Variants in SI observed in about 807,000 individuals in gnomAD.
SI encodes the protein sucrase-isomaltase, intestinal.
In SI, 235 loss-of-function variants were observed where a neutral mutation model predicts 253.3. The observed-to-expected ratio is 0.93, with a 90% confidence interval of 0.83 to 1.03. The LOEUF is 1.03. SI is among the 50% of genes least tolerant of loss of function. SI has a pLI of 0.00. For synonymous variants in SI, 819 were observed against 712.0 expected (o/e 1.15, Z -2.39); for missense variants, 2,442 against 2,211.1 (o/e 1.10, Z -2.09).
At chr3:165,060,072 T>C in intron 9 of SI, 45 bp from the exon 10 acceptor site, 4 of 1,545,794 alleles carry the variant, frequency 2.6e-6, no homozygotes, top group Non-Finnish European at 3.6e-6. Context: ...GAAATAAATA[T>C]ATTTAGCATT....
chr3:165,032,075 T>C (rs967568835), intron 24 of SI, among the ~76,000 whole-genome samples: 2 of 151,294 alleles, frequency 1.3e-5, no homozygotes, highest in East Asian at 1.9e-4. Flanking sequence ...GTACAAGATA[T>C]ATTTTGAGGA....
intron 37 of SI, among the ~76,000 whole-genome samples, chr3:165,003,807 A>G (rs1489810720): frequency 3.9e-5 from 6 of 152,078 alleles, no homozygotes; most frequent in African/African-American, 1.4e-4. Context: ...GAAAAAGCAT[A>G]CAACAGATAT....
chr3:165,076,059 A>G (rs1388334508), intron 1 of SI, 47 bp from the exon 2 acceptor site: 7 of 1,251,096 alleles, frequency 5.6e-6, no homozygotes, highest in African/African-American at 4.5e-5. Context: ...ATATATAACT[A>G]TAATAAACCA....
chr3:165,032,735 T>C lies in SI; in HGVS notation c.2566-43A>G, dbSNP rs369318018. 40 of 1,337,080 alleles carry C rather than the reference T, an allele frequency of 3.0e-5. No homozygotes were observed. The African/African-American group carries it at 5.1e-4, about 17-fold the overall frequency. The allele number at this position is 1,337,080 out of a possible 1,614,324, so 82.8% of individuals were successfully genotyped here. A position where few individuals can be genotyped will look rare whatever the true frequency, so the allele number is the denominator to read the frequency against. On this transcript the variant is annotated intron_variant, in intron 23 of 47. Coordinates refer to ENST00000264382, the MANE Select transcript of SI (RefSeq NM_001041.4). ...AGATATTATATATTAGGTCATCAGA[T>C]ACAAACCTGAAATAACAATACCGAT...
chr3:165,045,007 T>C (rs1300803940), intron 16 of SI, among the ~76,000 whole-genome samples: 2 of 152,086 alleles, frequency 1.3e-5, no homozygotes, highest in Non-Finnish European at 2.9e-5. Flanking sequence ...ATACTTCCCT[T>C]CACTGCTGTC....
chr3:165,021,096 A>G (rs953740727), intron 27 of SI, 133 bp downstream of exon 27: 1 of 729,338 alleles, frequency 1.4e-6, no homozygotes, highest in Non-Finnish European at 2.3e-6. Flanking sequence ...TAAAATGGGC[A>G]AAGTTATTTA....
At position 165,017,464 on chromosome 3, in the gene SI, T is replaced by G. The variant is rs1719092650; in HGVS notation, c.3759+84A>C. The G allele has an allele frequency of 2.9e-6, 4 of 1,370,916 alleles. No homozygotes were observed. The East Asian group carries it at 9.9e-5, about 34-fold the overall frequency. The allele number at this position is 1,370,916 out of a possible 1,614,324, so 84.9% of individuals were successfully genotyped here. On this transcript the variant is annotated intron_variant, in intron 31 of 47. Coordinates refer to ENST00000264382, the MANE Select transcript of SI (RefSeq NM_001041.4). Reference sequence around the variant, plus strand: ...AAGCTAAGCATTATTACCAGCTGCTTAAATTAAAGTATACATGTTTAATTA... The same window carrying G: ...AAGCTAAGCATTATTACCAGCTGCTGAAATTAAAGTATACATGTTTAATTA...
chr3:165,002,537 G>T (rs1023058638), intron 37 of SI, among the ~76,000 whole-genome samples: 2 of 151,572 alleles, frequency 1.3e-5, no homozygotes, highest in Non-Finnish European at 3.0e-5. Flanking sequence ...CAGAAAATAA[G>T]TCACTAAAAA....
Position 165,046,922 on chromosome 3 carries a change from T to C in SI, c.1806A>G (p.Leu602=). ...GTTCCCATGAAGCAGTATTGTCTCC[T>C]AACCAATGCGCAGCATGTCTTCCAG... ...AGSGRHAAHW[L]GDNTASWEQM... The change falls in exon 16 of 48, where the codon TTA becomes TTG. Residue 602 remains leucine, a synonymous_variant. Transcript: ENST00000264382. The C allele has an allele frequency of 6.2e-7, 1 of 1,613,116 alleles. No individual in the cohort carries two copies. Among genetic ancestry groups the C allele is most frequent in the Non-Finnish European group, 8.5e-7 (1 of 1,179,408 alleles).
chr3:165,059,537 A>G (rs1308377924), intron 10 of SI, among the ~76,000 whole-genome samples: 4 of 152,018 alleles, frequency 2.6e-5, no homozygotes, highest in Non-Finnish European at 5.9e-5. Flanking sequence ...ACTAGAATGC[A>G]TTGTTTTTAT....
In SI at chr3:165,039,892, T is replaced by C. The variant is rs985630780; in HGVS notation, c.2239A>G (p.Lys747Glu). The change falls in exon 19 of 48, where the codon AAA becomes GAA. Residue 747 changes from lysine (K) to glutamate (E), a missense_variant. Coordinates refer to ENST00000264382, the MANE Select transcript of SI (RefSeq NM_001041.4). ...ATTAAACCTGTAGAGCCTACCTGTT[T>C]TAGAACAGGAGTAATAAGTAATGCA... The part of the protein sequence containing the change: ...GPALLITPVL[K>E]QGADTVSAYI... 3.1e-6 allele frequency: 5 copies of C among 1,607,990 alleles called. No individual in the cohort carries two copies. The highest frequency in any genetic ancestry group is 4.3e-6 in the Non-Finnish European group (5 of 1,174,648).
intron 15 of SI, 68 bp from the exon 16 acceptor site, chr3:165,047,080 A>T (rs1392345203): frequency 7.9e-7 from 1 of 1,258,140 alleles, no homozygotes; most frequent in Non-Finnish European, 1.1e-6. Context: ...TAAATTCTAA[A>T]ATTTCATAAT....
chr3:164,996,599 G>C lies in SI; in HGVS notation c.4628C>G (p.Thr1543Ser). The C allele has an allele frequency of 6.2e-7, 1 of 1,609,984 alleles. No homozygotes were observed. Among genetic ancestry groups the C allele is most frequent in the Admixed American group, 1.7e-5 (1 of 59,748 alleles). Residue 1543 changes from threonine (T) to serine (S), a missense_variant, in exon 40 of 48, where the codon ACC (threonine) becomes AGC (serine). By Grantham distance (58) the Thr-to-Ser change is moderately conservative. Transcript: ENST00000264382. The part of the protein sequence containing the change: ...FFNNSEYHLC[T>S]RWMQLGAFYP... ...AAATGCTCCAAGTTGCATCCAGCGGGTACAGAGATGATATTCTGAGTTGTT... is the reference window on the plus strand; with the variant it reads ...AAATGCTCCAAGTTGCATCCAGCGGCTACAGAGATGATATTCTGAGTTGTT...
intron 3 of SI, 76 bp from the exon 4 acceptor site, chr3:165,069,271 T>G: frequency 9.9e-7 from 1 of 1,007,366 alleles, no homozygotes; most frequent in South Asian, 1.3e-5. Context: ...TTCCAAGGAA[T>G]GAATATTTTA....
chr3:165,066,952 T>C, intron 6 of SI, among the ~76,000 whole-genome samples: 1 of 151,934 alleles, frequency 6.6e-6, no homozygotes, highest in Non-Finnish European at 1.5e-5. Context: ...TATAAATTAT[T>C]TTAATATTAA....
chr3:165,007,389 T>C (rs2108155964), intron 36 of SI, among the ~76,000 whole-genome samples: 1 of 152,210 alleles, frequency 6.6e-6, no homozygotes, highest in African/African-American at 2.4e-5. Context: ...GTTTTCTGCC[T>C]GCATAAGAGA....
At chr3:165,026,301 G>A (rs1711919201) in intron 25 of SI, among the ~76,000 whole-genome samples, 1 of 151,286 alleles carries the variant, frequency 6.6e-6, no homozygotes. Flanking sequence ...AAATATATAT[G>A]CACCTAACAC....
At chr3:165,014,452 C>T (rs1285314381) in intron 33 of SI, among the ~76,000 whole-genome samples, 2 of 151,860 alleles carry the variant, frequency 1.3e-5, no homozygotes, top group Non-Finnish European at 2.9e-5. Context: ...GGTTTCACCA[C>T]GTTAGCCAGG....
chr3:164,996,513 A>G (rs773712567), intron 40 of SI, 22 bp downstream of exon 40: 1 of 1,221,482 alleles, frequency 8.2e-7, no homozygotes, highest in Non-Finnish European at 1.2e-6. Flanking sequence ...AAATACTGAA[A>G]GTAAATGTAG....
Sources: gnomAD v4.1 joint callset for allele counts (sites outside exome capture counted in the v4.1 genomes callset) on GRCh38, gnomAD v4.1.1 for gene constraint, MANE v1.5 for transcripts, NCBI Gene and HGNC (gene_info 2026-07-23, HGNC 2026-07-21) for gene names.